CFAP74: variants seen among roughly 807,000 people sequenced by gnomAD.
CFAP74 encodes cilia- and flagella-associated protein 74.
CFAP74 carries 124 observed loss-of-function variants against 188.9 expected under a neutral mutation model. The observed-to-expected ratio is 0.66, with a 90% CI of 0.57 to 0.76. The LOEUF (loss-of-function observed/expected upper bound fraction) is 0.76. CFAP74 is among the 30% of genes least tolerant of loss of function. The pLI is 0.00. For missense variants in CFAP74, 2,198 were observed against 2,165.2 expected (o/e 1.02, Z -0.30); for synonymous variants, 956 against 916.7 (o/e 1.04, Z -0.77).
intron 19 of CFAP74, among the ~76,000 whole-genome samples, chr1:1,946,763 T>C (rs1037619103): frequency 1.9e-4 from 29 of 152,194 alleles, no homozygotes; most frequent in Non-Finnish European, 4.0e-4. Flanking sequence ...CGGGAAACAA[T>C]CTGTGGCTTG....
chr1:1,929,552 T>C (rs1242410253), intron 26 of CFAP74, among the ~76,000 whole-genome samples: 2 of 151,160 alleles, frequency 1.3e-5, no homozygotes, highest in African/African-American at 4.9e-5. Context: ...TTCATTGAAA[T>C]CCCATGTGAG....
intron 16 of CFAP74, among the ~76,000 whole-genome samples, chr1:1,957,691 G>T (rs1477538078): frequency 1.3e-5 from 2 of 152,166 alleles, no homozygotes; most frequent in African/African-American, 2.4e-5. Context: ...TGCTGATCCG[G>T]AGTGGAGCAG....
intron 18 of CFAP74, among the ~76,000 whole-genome samples, chr1:1,951,018 G>T (rs1421273454): frequency 6.6e-6 from 1 of 152,122 alleles, no homozygotes; most frequent in Admixed American, 6.6e-5. Context: ...TTAAACTGGA[G>T]GGGGGTGTAT....
intron 8 of CFAP74, among the ~76,000 whole-genome samples, 162 bp from the exon 9 acceptor site, chr1:1,972,244 C>T (rs1344023137): frequency 6.6e-6 from 1 of 152,206 alleles, no homozygotes; most frequent in Non-Finnish European, 1.5e-5. Flanking sequence ...CCACAAACGG[C>T]CACATTTTTA....
chr1:1,974,407 T>A (rs563785718), intron 6 of CFAP74, among the ~76,000 whole-genome samples: 1 of 152,124 alleles, frequency 6.6e-6, no homozygotes, highest in South Asian at 2.1e-4. Flanking sequence ...TCACTATGGG[T>A]TCAATCCAGC....
Position 1,978,530 on chromosome 1 carries a change from C to A in CFAP74, c.501-4332G>T, listed in dbSNP as rs76931781. Among the ~76,000 whole-genome samples the A allele has an allele frequency of 3.3e-3, 505 of 152,208 alleles. 12 individuals carry two copies. The East Asian group carries it at 0.082, about 25-fold the overall frequency. ...TATCTGAAGAGCCAGTGTGGTCAGT[C>A]GCAGAGGTGATGATGAAGGTTGGAG... is the stretch of plus-strand genomic sequence containing the variant. On this transcript the variant is annotated intron_variant, in intron 6 of 38. Coordinates refer to ENST00000682832, the MANE Select transcript of CFAP74 (RefSeq NM_001304360.2).
At chr1:1,944,846 T>TCC (rs1452611010) in intron 20 of CFAP74, among the ~76,000 whole-genome samples, 1 of 152,076 alleles carries the variant, frequency 6.6e-6, no homozygotes, top group Non-Finnish European at 1.5e-5. Context: ...ACCTCAGGGA[T>TCC]CCACCCACCT....
intron 25 of CFAP74, among the ~76,000 whole-genome samples, chr1:1,930,726 A>G (rs1652306560): frequency 6.6e-6 from 1 of 152,170 alleles, no homozygotes; most frequent in Non-Finnish European, 1.5e-5. Flanking sequence ...CTGGGTAGCT[A>G]AAAATTTAAT....
Position 1,944,362 on chromosome 1 carries a change from G to A in CFAP74, c.2455C>T (p.Leu819Phe). The change falls in exon 21 of 39, where the codon CTC (leucine) becomes TTC (phenylalanine). Residue 819 changes from leucine (L) to phenylalanine (F), a missense_variant. By Grantham distance (22) the Leu-to-Phe change is conservative. Coordinates refer to ENST00000682832, the MANE Select transcript of CFAP74 (RefSeq NM_001304360.2). ...TGCACGAGCACAGAGTCCTGGTAGA[G>A]CCGGTCATACATGCAGATCTTCAGG... ...VDLKICMYDR[L>F]YQDSVLVHTR... 6.5e-7 allele frequency: 1 copy of A among 1,536,002 alleles called. No individual in the cohort carries two copies. The highest frequency in any genetic ancestry group is 1.4e-5 in the African/African-American group (1 of 73,164).
At chr1:1,929,793 G>A (rs1367791653) in intron 26 of CFAP74, among the ~76,000 whole-genome samples, 2 of 151,990 alleles carry the variant, frequency 1.3e-5, no homozygotes, top group Non-Finnish European at 2.9e-5. Context: ...GGCCAGGCCA[G>A]CAGCCTGGGG....
Position 1,938,965 on chromosome 1 carries a change from A to G in CFAP74, c.2901T>C (p.Asp967=), listed in dbSNP as rs532268891. 4.4e-5 allele frequency: 67 copies of G among 1,536,014 alleles called. No individual in the cohort carries two copies. In the African/African-American group the frequency reaches 7.7e-4, roughly 18 times the overall value. Residue 967 remains aspartate, a synonymous_variant, in exon 25 of 39, where the codon GAT becomes GAC. Coordinates refer to ENST00000682832, the MANE Select transcript of CFAP74 (RefSeq NM_001304360.2). ...CCAGGGGCAGGATCGTCCCAAACCC[A>G]TCGTTGGGTTGGACGTCCACAAACT... The part of the protein sequence containing the change: ...LPKFVDVQPN[D]GFGTILPLET...
Position 1,968,651 on chromosome 1 carries a change from G to A in CFAP74, c.1229C>T (p.Thr410Ile). 2 of 1,607,470 alleles carry A rather than the reference G, an allele frequency of 1.2e-6. No individual in the cohort carries two copies. Among genetic ancestry groups the A allele is most frequent in the African/African-American group, 2.7e-5 (2 of 73,806 alleles). ...SDFCKKTTVPTNTYTLDYEAA... is the reference protein window; with the variant it reads ...SDFCKKTTVPINTYTLDYEAA... The stretch of plus-strand genomic sequence containing the variant: ...TTTGCTCACCAGTGTGTACGTGTTG[G>A]TTGGGACTGTGGTCTTCTTGCAAAA... Residue 410 changes from threonine to isoleucine, a missense_variant, in exon 11 of 39, where the codon ACC (threonine) becomes ATC (isoleucine). Transcript: ENST00000682832. The surrounding 1 kb of genome is among the most constrained non-coding windows in gnomAD (Gnocchi z 4.3).
At chr1:1,944,231 G>C (rs1653591269) in intron 21 of CFAP74, 100 bp downstream of exon 21, 1 of 1,469,464 alleles carries the variant, frequency 6.8e-7, no homozygotes, top group African/African-American at 1.5e-5. Flanking sequence ...GTCACCCCGT[G>C]TGCGTGGACA....
At position 1,923,714 on chromosome 1, in the gene CFAP74, G is replaced by C; in HGVS notation, c.4389+61C>G. ...TCCAAAGTGGAGCAGTGCAGCCAAAGGCAAGGCCCTGCGTGGGGCCAGGGC... is the reference window on the plus strand; with the variant it reads ...TCCAAAGTGGAGCAGTGCAGCCAAACGCAAGGCCCTGCGTGGGGCCAGGGC... On this transcript the variant is annotated intron_variant, in intron 35 of 38. Transcript: ENST00000682832. The surrounding 1 kb of genome is among the most constrained non-coding windows in gnomAD (Gnocchi z 6.3). The C allele has an allele frequency of 1.2e-6, 2 of 1,609,028 alleles. No homozygotes were observed. Among genetic ancestry groups the C allele is most frequent in the East Asian group, 2.2e-5 (1 of 44,850 alleles).
intron 1 of CFAP74, among the ~76,000 whole-genome samples, chr1:1,992,633 C>T (rs2102112147): frequency 6.6e-6 from 1 of 151,852 alleles, no homozygotes; most frequent in Non-Finnish European, 1.5e-5. Flanking sequence ...ACCACTACGC[C>T]CAGCTAATTT....
chr1:1,969,464 A>G (rs1394818731), intron 10 of CFAP74, among the ~76,000 whole-genome samples: 5 of 53,218 alleles, frequency 9.4e-5, no homozygotes, highest in East Asian at 3.9e-4. Flanking sequence ...AGCCCTGCCC[A>G]GCCCAGCCCT....
intron 18 of CFAP74, chr1:1,955,441 T>C (rs1205619116): frequency 6.6e-7 from 1 of 1,525,820 alleles, no homozygotes; most frequent in Admixed American, 1.8e-5. Flanking sequence ...GTGCTGGGCC[T>C]GCTGGGCCAA....
intron 1 of CFAP74, among the ~76,000 whole-genome samples, chr1:1,993,404 C>A (rs1386937055): frequency 6.6e-6 from 1 of 151,604 alleles, no homozygotes; most frequent in Non-Finnish European, 1.5e-5. Flanking sequence ...CCTGCTTCAG[C>A]CTCCCAAAGG....
chr1:1,993,855 G>A (rs976242617), intron 1 of CFAP74, among the ~76,000 whole-genome samples: 46 of 150,802 alleles, frequency 3.1e-4, no homozygotes, highest in Middle Eastern at 3.4e-3. Flanking sequence ...GGTGGCGGGC[G>A]CCTATAGTCC....
Sources: allele counts gnomAD v4.1 joint callset (sites outside exome capture counted in the v4.1 genomes callset), GRCh38; gene constraint gnomAD v4.1.1; non-coding constraint Gnocchi (gnomAD v3.1); transcripts MANE v1.5; gene names NCBI Gene and HGNC (gene_info 2026-07-23, HGNC 2026-07-21).